Variants in RBMS1 observed in about 807,000 individuals in gnomAD.
RBMS1 encodes RNA binding motif single stranded interacting protein 1, also known as RNA-binding motif, single-stranded-interacting protein 1.
RBMS1 carries 17 observed loss-of-function variants against 62.3 expected under a neutral mutation model. The ratio of observed to expected loss-of-function variants is 0.27; its 90% CI spans 0.19 to 0.41. The LOEUF is 0.41. RBMS1 is among the 10% of genes least tolerant of loss of function. The pLI, the probability that RBMS1 is intolerant of heterozygous loss-of-function variation, is 1.00. For synonymous variants in RBMS1, 172 were observed against 170.0 expected, an observed-to-expected ratio of 1.01 and a Z score of -0.09; for missense variants, 334 against 504.5, an observed-to-expected ratio of 0.66 and a Z score of 3.24.
At chr2:160,368,252 A>G (rs1317341035) in intron 1 of RBMS1, among the ~76,000 whole-genome samples, 1 of 152,170 alleles carries the variant, frequency 6.6e-6, no homozygotes, top group Non-Finnish European at 1.5e-5. Context: ...GTGTCCTCAC[A>G]GCAAACGCGC....
At chr2:160,355,808 C>T (rs1327525610) in intron 2 of RBMS1, among the ~76,000 whole-genome samples, 1 of 152,108 alleles carries the variant, frequency 6.6e-6, no homozygotes, top group African/African-American at 2.4e-5. Flanking sequence ...TCAGTAGTAA[C>T]TTTCTATCTC....
chr2:160,409,174 C>T (rs1695919693), intron 1 of RBMS1, among the ~76,000 whole-genome samples: 1 of 151,964 alleles, frequency 6.6e-6, no homozygotes, highest in African/African-American at 2.4e-5. Context: ...TAGTGAACCT[C>T]TTCCATACTC....
chr2:160,407,078 C>G (rs920358869), intron 1 of RBMS1, among the ~76,000 whole-genome samples: 1 of 152,036 alleles, frequency 6.6e-6, no homozygotes, highest in African/African-American at 2.4e-5. Context: ...ACGAATCAGA[C>G]AGGTTCTCTG....
chr2:160,471,217 A>G (rs1308362723), intron 1 of RBMS1, among the ~76,000 whole-genome samples: 1 of 152,184 alleles, frequency 6.6e-6, no homozygotes, highest in Non-Finnish European at 1.5e-5. Context: ...GGAAATAAAA[A>G]CTATTTATTG....
chr2:160,448,707 G>A (rs1043635203), intron 1 of RBMS1, among the ~76,000 whole-genome samples: 2 of 152,274 alleles, frequency 1.3e-5, no homozygotes, highest in Non-Finnish European at 1.5e-5. Context: ...GCCTCTGCCC[G>A]GCCGCCAACC....
intron 2 of RBMS1, among the ~76,000 whole-genome samples, chr2:160,343,305 C>G (rs1421192925): frequency 6.6e-6 from 1 of 152,176 alleles, no homozygotes; most frequent in Non-Finnish European, 1.5e-5. Context: ...CAGAAATTCT[C>G]TTGGAATGTC....
Position 160,386,320 on chromosome 2 carries a change from G to A in RBMS1, c.76-18929C>T, listed in dbSNP as rs186141664. Among the ~76,000 whole-genome samples, 350 of 152,276 alleles carry A rather than the reference G, an allele frequency of 2.3e-3. 1 individual carries two copies. Among genetic ancestry groups the A allele is most frequent in the African/African-American group, 8.0e-3 (334 of 41,562 alleles). ...TGGGAGGCTGAGGCAGGTGGATCAC[G>A]AGGTCAAGAGTTCGAGACCAGCCTG... On this transcript the variant is annotated intron_variant, in intron 1 of 13. Transcript: ENST00000348849.
chr2:160,292,776 T>C (rs906028603), intron 6 of RBMS1, among the ~76,000 whole-genome samples: 10 of 152,152 alleles, frequency 6.6e-5, no homozygotes, highest in Admixed American at 1.3e-4. Context: ...ATGGTGATAA[T>C]TGTTGTAAGG....
Position 160,278,225 on chromosome 2 carries a change from T to G in RBMS1, c.1062+323A>C, listed in dbSNP as rs1282437860. 31 of 313,978 alleles carry G rather than the reference T, an allele frequency of 9.9e-5. No individual in the cohort carries two copies. The Admixed American group carries it at 1.2e-3, about 12-fold the overall frequency. The allele number at this position is 313,978 out of a possible 1,614,324, so 19.4% of individuals were successfully genotyped here. A position where few individuals can be genotyped will look rare whatever the true frequency, so the allele number is the denominator to read the frequency against. ...ATTCCCTGCTTTTACCATCTTGTAT[T>G]ACCTTCGTCTTTCGCTTCATGACAC... On this transcript the variant is annotated intron_variant, in intron 11 of 13. Coordinates refer to ENST00000348849, the MANE Select transcript of RBMS1 (RefSeq NM_016836.4).
At chr2:160,340,615 G>A (rs1323458287) in intron 2 of RBMS1, among the ~76,000 whole-genome samples, 2 of 151,950 alleles carry the variant, frequency 1.3e-5, no homozygotes, top group African/African-American at 4.8e-5. Flanking sequence ...AGAAATGTAG[G>A]TAAGAATTTT....
chr2:160,428,396 GATTA>G (rs1394104786), intron 1 of RBMS1, among the ~76,000 whole-genome samples: 2 of 152,112 alleles, frequency 1.3e-5, no homozygotes, highest in Non-Finnish European at 2.9e-5. Flanking sequence ...TTATTGGCTG[GATTA>G]ATTATTGTAG....
intron 1 of RBMS1, among the ~76,000 whole-genome samples, chr2:160,396,640 A>ACTGCAAC (rs1695157213): frequency 7.3e-6 from 1 of 136,076 alleles, no homozygotes; most frequent in Non-Finnish European, 1.5e-5. Flanking sequence ...ATCTCAGCTC[A>ACTGCAAC]CTGCAACCTC....
Position 160,426,269 on chromosome 2 carries a change from GA to G in RBMS1, c.76-58879del, listed in dbSNP as rs1200657126. 4.2e-5 allele frequency among the ~76,000 whole-genome samples: 5 copies of G among 118,700 alleles called. 1 individual carries two copies. Among genetic ancestry groups the G allele is most frequent in the Admixed American group, 2.8e-4 (3 of 10,608 alleles). The allele number at this position is 118,700 out of a possible 152,430, so 77.9% of individuals were successfully genotyped here. A position where few individuals can be genotyped will look rare whatever the true frequency, so the allele number is the denominator to read the frequency against. ...AGAAAGAAAGAAAGAAAGAAAGAAA[GA>G]AAGAAAGAAAGAAAGAAAGAAAAGA... On this transcript the variant is annotated intron_variant, in intron 1 of 13. Coordinates refer to ENST00000348849, the MANE Select transcript of RBMS1 (RefSeq NM_016836.4).
intron 4 of RBMS1, among the ~76,000 whole-genome samples, chr2:160,311,239 T>C (rs1435560197): frequency 7.6e-6 from 1 of 131,684 alleles, no homozygotes; most frequent in South Asian, 2.4e-4. Context: ...TATCTATATA[T>C]ATATATATAT....
chr2:160,388,199 C>G (rs532180920), intron 1 of RBMS1, among the ~76,000 whole-genome samples: 1 of 152,200 alleles, frequency 6.6e-6, no homozygotes, highest in African/African-American at 2.4e-5. Context: ...CTTAAAAGAT[C>G]ACTGCTTTAG....
chr2:160,291,194 C>T (rs978062712), intron 6 of RBMS1, among the ~76,000 whole-genome samples: 12 of 152,166 alleles, frequency 7.9e-5, no homozygotes, highest in South Asian at 2.1e-4. Context: ...AGGTCTTCTC[C>T]GTGCTTTTCC....
intron 4 of RBMS1, 61 bp downstream of exon 4, chr2:160,313,095 C>T (rs1690019328): frequency 1.3e-6 from 2 of 1,508,452 alleles, no homozygotes; most frequent in Admixed American, 1.7e-5. Context: ...AAAAAGCAGA[C>T]CTGTCGGGCT....
intron 1 of RBMS1, among the ~76,000 whole-genome samples, chr2:160,425,975 TG>T (rs1408179713): frequency 6.6e-6 from 1 of 152,134 alleles, no homozygotes; most frequent in Admixed American, 6.5e-5. Context: ...AACTGCTTCT[TG>T]TAAGTTAGTA....
At chr2:160,283,145 T>G (rs1688190113) in intron 9 of RBMS1, 1 of 152,224 alleles carries the variant, frequency 6.6e-6, no homozygotes, top group Admixed American at 6.5e-5. Flanking sequence ...GAGAAATGTG[T>G]TAATAGCTGT....
Sources: gnomAD v4.1 joint callset for allele counts (sites outside exome capture counted in the v4.1 genomes callset) on GRCh38, gnomAD v4.1.1 for gene constraint, MANE v1.5 for transcripts, NCBI Gene and HGNC (gene_info 2026-07-23, HGNC 2026-07-21) for gene names.